Variants in TECTA observed in about 807,000 individuals in gnomAD.
TECTA encodes alpha-tectorin.
Under a neutral mutation model 216.8 loss-of-function variants are expected in TECTA, and 128 were observed. That is an observed-to-expected ratio of 0.59 (90% CI 0.51 to 0.68). The LOEUF (loss-of-function observed/expected upper bound fraction) is 0.68, where lower values mean the gene tolerates loss of function less well. Ranked by LOEUF, TECTA falls within the 30% of genes least tolerant of loss-of-function variation. The pLI, the probability that TECTA is intolerant of heterozygous loss-of-function variation, is 0.00. For missense variants in TECTA, 2,551 were observed against 2,786.2 expected (o/e 0.92, Z 1.90); for synonymous variants, 1,089 against 1,117.1 (o/e 0.97, Z 0.50).
chr11:121,146,088 G>T lies in TECTA; in HGVS notation c.4077G>T (p.Val1359=). The T allele has an allele frequency of 6.2e-7, 1 of 1,611,140 alleles. No individual in the cohort carries two copies. Reference sequence around the variant, plus strand: ...CCTGCCAGACTCAGGGGATTACGGTGACTGGCTGGAGGAATTACACGTCCT... The same window carrying T: ...CCTGCCAGACTCAGGGGATTACGGTTACTGGCTGGAGGAATTACACGTCCT... ...ASTCQTQGIT[V]TGWRNYTSCT... is the part of the protein sequence containing the mutation. Residue 1359 remains valine, a synonymous_variant, in exon 12 of 24, where the codon GTG becomes GTT. Transcript: ENST00000392793.
At position 121,128,184 on chromosome 11, in the gene TECTA, C is replaced by T; in HGVS notation, c.2207C>T (p.Ser736Phe). The change falls in exon 9 of 24, where the codon TCC (serine) becomes TTC (phenylalanine). Residue 736 changes from serine to phenylalanine, a missense_variant. Physicochemically the swap from Ser to Phe is radical, Grantham distance 155. Transcript: ENST00000392793. ...GASYAFPSEFSYTLLKTCPER... is the reference protein window; with the variant it reads ...GASYAFPSEFFYTLLKTCPER... ...TCCTACGCCTTCCCCTCCGAGTTCT[C>T]CTACACCCTCCTGAAGACCTGCCCT... The T allele has an allele frequency of 6.2e-7, 1 of 1,608,130 alleles. No homozygotes were observed. Among genetic ancestry groups the T allele is most frequent in the Non-Finnish European group, 8.5e-7 (1 of 1,179,984 alleles).
At chr11:121,122,267 G>A (rs538016487) in intron 7 of TECTA, among the ~76,000 whole-genome samples, 7 of 152,208 alleles carry the variant, frequency 4.6e-5, no homozygotes, top group African/African-American at 1.7e-4. Context: ...TGGGATTAGT[G>A]CCCTTAGAAA....
intron 10 of TECTA, among the ~76,000 whole-genome samples, chr11:121,136,525 CCTGT>C (rs1439461983): frequency 1.3e-5 from 2 of 152,100 alleles, no homozygotes; most frequent in African/African-American, 4.8e-5. Context: ...CTACATATAG[CCTGT>C]CTGTGTAATA....
At chr11:121,135,824 C>G (rs1480985031) in intron 10 of TECTA, among the ~76,000 whole-genome samples, 3 of 152,230 alleles carry the variant, frequency 2.0e-5, no homozygotes, top group Admixed American at 6.5e-5. Context: ...ATCGCACAGA[C>G]TTGTAGGAGG....
At chr11:121,168,017 C>T (rs370722375) in intron 18 of TECTA, 37 bp from the exon 19 acceptor site, 37 of 1,612,562 alleles carry the variant, frequency 2.3e-5, no homozygotes, top group African/African-American at 4.0e-5. Context: ...TACTCACTCC[C>T]AGATGTAACG....
In TECTA at chr11:121,128,097, C is replaced by G. The variant is rs1946632610; in HGVS notation, c.2120C>G (p.Pro707Arg). ...AVEDGYQGCF[P>R]KRETVCLLSQ... ...GAGGACGGCTACCAGGGCTGCTTCC[C>G]CAAGCGGGAGACCGTGTGCCTGCTC... The change falls in exon 9 of 24, where the codon CCC becomes CGC. Residue 707 changes from proline (P) to arginine (R), a missense_variant. By Grantham distance (103) the Pro-to-Arg change is moderately radical. Coordinates refer to ENST00000392793, the MANE Select transcript of TECTA (RefSeq NM_005422.4). 6.2e-7 allele frequency: 1 copy of G among 1,612,858 alleles called. No homozygotes were observed. Among genetic ancestry groups the G allele is most frequent in the Non-Finnish European group, 8.5e-7 (1 of 1,179,672 alleles).
intron 16 of TECTA, among the ~76,000 whole-genome samples, chr11:121,162,622 CTG>C (rs1171735930): frequency 2.0e-5 from 3 of 152,168 alleles, no homozygotes; most frequent in Admixed American, 6.5e-5. Context: ...ATGGGGCTCT[CTG>C]GGTTGGAAGA....
chr11:121,142,942 A>G (rs191116320), intron 11 of TECTA, among the ~76,000 whole-genome samples: 4 of 152,092 alleles, frequency 2.6e-5, no homozygotes, highest in Admixed American at 1.3e-4. Flanking sequence ...CTCATTCTCA[A>G]ACAAGCCTTG....
intron 13 of TECTA, among the ~76,000 whole-genome samples, chr11:121,154,807 C>T (rs951257240): frequency 3.3e-5 from 5 of 152,168 alleles, no homozygotes; most frequent in South Asian, 2.1e-4. Context: ...TGCCTGGCAT[C>T]GAGTCCTTCA....
Position 121,168,223 on chromosome 11 carries a change from G to A in TECTA, c.5750+6G>A, listed in dbSNP as rs1169548238. 6.8e-6 allele frequency: 11 copies of A among 1,614,030 alleles called. No individual in the cohort carries two copies. The highest frequency in any genetic ancestry group is 3.3e-5 in the Admixed American group (2 of 60,014). On this transcript the variant is annotated splice_donor_region_variant and intron_variant, in intron 19 of 23. Coordinates refer to ENST00000392793, the MANE Select transcript of TECTA (RefSeq NM_005422.4). ...GTTGTGAAGCCTATGCTAAGGTAAG[G>A]TGTCTCCTGGGCTGTGCACATTGCT...
intron 18 of TECTA, 62 bp downstream of exon 18, chr11:121,166,842 A>G (rs1947059310): frequency 1.3e-6 from 2 of 1,598,536 alleles, no homozygotes; most frequent in East Asian, 2.2e-5. Flanking sequence ...GTGTTTGCAC[A>G]TTTATTGTCC....
intron 14 of TECTA, among the ~76,000 whole-genome samples, chr11:121,158,787 C>CT (rs1316132284): frequency 5.3e-5 from 8 of 152,180 alleles, no homozygotes; most frequent in Non-Finnish European, 7.3e-5. Context: ...AGGTTGGCTC[C>CT]TCCTTAGGCC....
chr11:121,150,497 T>C (rs1036282378), intron 12 of TECTA, among the ~76,000 whole-genome samples: 3 of 152,172 alleles, frequency 2.0e-5, no homozygotes, highest in Admixed American at 1.3e-4. Flanking sequence ...ACAAATTTCA[T>C]TACATTAAAA....
intron 4 of TECTA, chr11:121,109,826 C>T: frequency 2.7e-6 from 1 of 366,042 alleles, no homozygotes; most frequent in Non-Finnish European, 5.2e-6. Flanking sequence ...CATTCCAGGC[C>T]ACATGCTTAG....
At chr11:121,125,269 T>A in intron 7 of TECTA, 33 bp from the exon 8 acceptor site, 2 of 1,603,252 alleles carry the variant, frequency 1.2e-6, no homozygotes, top group Non-Finnish European at 1.7e-6. Flanking sequence ...GGGCACCTGC[T>A]CACCTGCCTT....
Position 121,189,092 on chromosome 11 carries a change from A to T in TECTA, c.6175A>T (p.Asn2059Tyr), listed in dbSNP as rs770529780. Reference sequence around the variant, plus strand: ...TTCTGTCTTGCAGACTTGCCCACACAATTCCAGGATTGCCACAGATTACAC... The same window carrying T: ...TTCTGTCTTGCAGACTTGCCCACACTATTCCAGGATTGCCACAGATTACAC... ...KYSCKITCPH[N>Y]SRIATDYTKE... is the part of the protein sequence containing the mutation. Residue 2059 changes from asparagine to tyrosine, a missense_variant, in exon 22 of 24, where the codon AAT becomes TAT. By Grantham distance (143) the Asn-to-Tyr change is moderately radical (BLOSUM62 -2). Coordinates refer to ENST00000392793, the MANE Select transcript of TECTA (RefSeq NM_005422.4). The T allele has an allele frequency of 6.2e-7, 1 of 1,614,176 alleles. No individual in the cohort carries two copies. The highest frequency in any genetic ancestry group is 1.1e-5 in the South Asian group (1 of 91,080).
intron 7 of TECTA, 143 bp downstream of exon 7, chr11:121,118,861 A>G: frequency 8.7e-7 from 1 of 1,144,728 alleles, no homozygotes; most frequent in Non-Finnish European, 1.3e-6. Context: ...CCTTGCAAAT[A>G]GCTTGTAAAA....
chr11:121,185,038 G>A (rs1358697860), intron 20 of TECTA, among the ~76,000 whole-genome samples: 1 of 152,204 alleles, frequency 6.6e-6, no homozygotes, highest in African/African-American at 2.4e-5. Flanking sequence ...GGATGTGGTA[G>A]CATTTAGCAT....
At chr11:121,190,062 AAAC>A (rs995582142) in intron 23 of TECTA, 182 bp downstream of exon 23, 8 of 605,446 alleles carry the variant, frequency 1.3e-5, no homozygotes, top group Middle Eastern at 4.4e-4. Flanking sequence ...ACAAACAAAC[AAAC>A]AACAACAACA....
Sources: allele counts gnomAD v4.1 joint callset (sites outside exome capture counted in the v4.1 genomes callset), GRCh38; gene constraint gnomAD v4.1.1; transcripts MANE v1.5; gene names NCBI Gene and HGNC (gene_info 2026-07-23, HGNC 2026-07-21).